GRID2: variants seen among roughly 807,000 people sequenced by gnomAD.
GRID2 encodes glutamate receptor ionotropic, delta-2.
A neutral mutation model predicts 114.8 loss-of-function variants in GRID2; 33 were observed. The observed-to-expected ratio is 0.29, with a 90% CI of 0.22 to 0.38. The LOEUF (loss-of-function observed/expected upper bound fraction) is 0.38, where lower values mean the gene tolerates loss of function less well. GRID2 is among the 10% of genes least tolerant of loss of function. The pLI is 1.00. For synonymous variants in GRID2, 505 were observed against 449.9 expected (o/e 1.12, Z -1.55); for missense variants, 1,184 against 1,257.7 (o/e 0.94, Z 0.89).
At chr4:93,254,833 T>C (rs1749390269) in intron 8 of GRID2, among the ~76,000 whole-genome samples, 1 of 152,158 alleles carries the variant, frequency 6.6e-6, no homozygotes, top group Non-Finnish European at 1.5e-5. Context: ...AATTGGATAA[T>C]TATTCTTGGG....
At chr4:92,305,418 C>T (rs559979713) in intron 1 of GRID2, among the ~76,000 whole-genome samples, 112 of 152,262 alleles carry the variant, frequency 7.4e-4, no homozygotes, top group Non-Finnish European at 1.4e-3. Flanking sequence ...GACACGCTCC[C>T]GGGGCCTGGC....
At chr4:93,440,472 T>A (rs1721522790) in intron 10 of GRID2, among the ~76,000 whole-genome samples, 1 of 152,094 alleles carries the variant, frequency 6.6e-6, no homozygotes, top group Admixed American at 6.6e-5. Context: ...TCCCAGAGTA[T>A]GTCAGCTGTA....
intron 2 of GRID2, among the ~76,000 whole-genome samples, chr4:92,935,950 G>A (rs1750640036): frequency 6.9e-6 from 1 of 145,756 alleles, no homozygotes; most frequent in African/African-American, 2.4e-5. Context: ...AGGAGTTAAT[G>A]GGTGCAGCAC....
chr4:92,812,489 C>T (rs1389599683), intron 2 of GRID2, among the ~76,000 whole-genome samples: 1 of 151,992 alleles, frequency 6.6e-6, no homozygotes, highest in Non-Finnish European at 1.5e-5. Flanking sequence ...AACCATACAT[C>T]ATATAAATGC....
chr4:93,013,129 T>C (rs1273729742), intron 2 of GRID2, among the ~76,000 whole-genome samples: 3 of 152,078 alleles, frequency 2.0e-5, no homozygotes, highest in Non-Finnish European at 4.4e-5. Context: ...CACTAGTGAT[T>C]ACAGAGTAAT....
At chr4:93,067,318 T>G (rs1003005531) in intron 2 of GRID2, among the ~76,000 whole-genome samples, 1 of 152,018 alleles carries the variant, frequency 6.6e-6, no homozygotes, top group African/African-American at 2.4e-5. Context: ...TAAAATACCT[T>G]TGATTGTGTA....
intron 8 of GRID2, among the ~76,000 whole-genome samples, chr4:93,243,059 A>G (rs925755648): frequency 6.6e-6 from 1 of 152,020 alleles, no homozygotes; most frequent in Non-Finnish European, 1.5e-5. Context: ...TATGAAAGGC[A>G]CTATAAATAT....
At chr4:92,427,479 G>A (rs1579340634) in intron 1 of GRID2, among the ~76,000 whole-genome samples, 1 of 152,248 alleles carries the variant, frequency 6.6e-6, no homozygotes, top group South Asian at 2.1e-4. Context: ...TGTATTTTCA[G>A]TCCATCTCAG....
At chr4:92,445,946 TTTTG>T (rs1225606190) in intron 1 of GRID2, among the ~76,000 whole-genome samples, 3 of 152,146 alleles carry the variant, frequency 2.0e-5, no homozygotes, top group Non-Finnish European at 2.9e-5. Context: ...ATCTCATATT[TTTTG>T]TTTGTTTGTT....
chr4:92,354,550 T>G (rs538747529), intron 1 of GRID2, among the ~76,000 whole-genome samples: 1 of 152,126 alleles, frequency 6.6e-6, no homozygotes, highest in African/African-American at 2.4e-5. Context: ...TTAGCTAATT[T>G]TAAAAGAATA....
chr4:92,607,271 C>T (rs529173928), intron 2 of GRID2, among the ~76,000 whole-genome samples: 3 of 152,010 alleles, frequency 2.0e-5, no homozygotes, highest in Non-Finnish European at 4.4e-5. Flanking sequence ...GAAATAAACA[C>T]GAATGTTAAT....
At chr4:93,130,484 T>A (rs1734702258) in intron 4 of GRID2, among the ~76,000 whole-genome samples, 2 of 152,142 alleles carry the variant, frequency 1.3e-5, no homozygotes, top group Non-Finnish European at 2.9e-5. Flanking sequence ...ATTAAATAAT[T>A]ACTTTATATT....
intron 2 of GRID2, among the ~76,000 whole-genome samples, chr4:93,040,844 C>T (rs747738721): frequency 1.3e-5 from 2 of 151,876 alleles, no homozygotes; most frequent in Non-Finnish European, 2.9e-5. Context: ...TTTTCGAGGT[C>T]GGCGAATTTA....
intron 2 of GRID2, among the ~76,000 whole-genome samples, chr4:92,998,820 C>A (rs1755363580): frequency 6.7e-6 from 1 of 149,792 alleles, no homozygotes; most frequent in Non-Finnish European, 1.5e-5. Context: ...TAAAGAGGAT[C>A]ATTTAAAAAA....
intron 2 of GRID2, among the ~76,000 whole-genome samples, chr4:93,076,813 T>G (rs543495136): frequency 1.3e-3 from 194 of 152,142 alleles, no homozygotes; most frequent in African/African-American, 4.2e-3. Flanking sequence ...AGACGGGGTA[T>G]CACCATGTTG....
intron 1 of GRID2, among the ~76,000 whole-genome samples, chr4:92,560,469 A>T (rs1727053243): frequency 6.6e-6 from 1 of 152,150 alleles, no homozygotes; most frequent in South Asian, 2.1e-4. Flanking sequence ...CATGAATGTT[A>T]AGCAAAAGGG....
chr4:93,287,345 A>G (rs1221035130), intron 8 of GRID2, among the ~76,000 whole-genome samples: 1 of 152,208 alleles, frequency 6.6e-6, no homozygotes, highest in Non-Finnish European at 1.5e-5. Flanking sequence ...ATCCAAGGCA[A>G]CAGTGATAGT....
At chr4:93,587,733 T>C (rs1044945713) in intron 13 of GRID2, among the ~76,000 whole-genome samples, 1 of 152,060 alleles carries the variant, frequency 6.6e-6, no homozygotes, top group African/African-American at 2.4e-5. Flanking sequence ...AGAAAATTTA[T>C]TATATTACAT....
chr4:93,174,721 G>A (rs1739185254), intron 4 of GRID2, among the ~76,000 whole-genome samples: 1 of 152,072 alleles, frequency 6.6e-6, no homozygotes, highest in South Asian at 2.1e-4. Flanking sequence ...AAACTAATTG[G>A]CACCCTTACC....
Sources: allele counts gnomAD v4.1 joint callset (sites outside exome capture counted in the v4.1 genomes callset), GRCh38; gene constraint gnomAD v4.1.1; transcripts MANE v1.5; gene names NCBI Gene and HGNC (gene_info 2026-07-23, HGNC 2026-07-21).